TSPAN15: variants seen among roughly 807,000 people sequenced by gnomAD.
TSPAN15 encodes the protein tetraspanin 15.
A neutral mutation model predicts 34.5 loss-of-function variants in TSPAN15; 20 were observed. That is an observed-to-expected ratio of 0.58 (90% CI 0.41 to 0.84). The LOEUF (loss-of-function observed/expected upper bound fraction) is 0.84, where lower values mean the gene tolerates loss of function less well. Ranked by LOEUF, TSPAN15 falls within the 40% of genes least tolerant of loss-of-function variation. TSPAN15 has a pLI of 0.00. For missense variants in TSPAN15, 313 were observed against 386.1 expected (o/e 0.81, Z 1.59); for synonymous variants, 155 against 153.9 (o/e 1.01, Z -0.05).
Position 69,498,366 on chromosome 10 carries a change from G to GTCCT in TSPAN15, c.540_541insTCCT (p.Val181SerfsTer91), listed in dbSNP as rs1842132009. The GTCCT allele has an allele frequency of 1.2e-6, 2 of 1,613,826 alleles. No homozygotes were observed. The highest frequency in any genetic ancestry group is 1.7e-6 in the Non-Finnish European group (2 of 1,179,968). On this transcript the variant is annotated frameshift_variant, in exon 5 of 8. Transcript: ENST00000373290. LOFTEE classifies it high-confidence loss of function. ...GTGCCCCTGGACCCCTGGCCTGTGG[G>GTCCT]GTGCCCTACACCTGCTGCATCAGGA...
chr10:69,496,320 CAATAATAATAATAATAATAAT>C (rs3028371), intron 4 of TSPAN15, among the ~76,000 whole-genome samples: 61 of 132,500 alleles, frequency 4.6e-4, no homozygotes, highest in African/African-American at 1.2e-3. Context: ...TCTGTTGGTG[CAATAATAATAATAATAATAAT>C]AATAATAATA....
intron 1 of TSPAN15, among the ~76,000 whole-genome samples, chr10:69,464,812 A>G (rs1016269120): frequency 6.6e-6 from 1 of 152,178 alleles, no homozygotes; most frequent in African/African-American, 2.4e-5. Context: ...AACTCTGCCA[A>G]TGGGACAATC....
chr10:69,495,881 C>T (rs146331498), intron 4 of TSPAN15, among the ~76,000 whole-genome samples, 192 bp downstream of exon 4: 3 of 152,272 alleles, frequency 2.0e-5, no homozygotes, highest in Admixed American at 6.5e-5. Flanking sequence ...CCAACCTATT[C>T]AGCCAGTCCT....
chr10:69,466,855 G>A (rs1589627895), intron 1 of TSPAN15, among the ~76,000 whole-genome samples: 2 of 152,158 alleles, frequency 1.3e-5, no homozygotes, highest in African/African-American at 4.8e-5. Context: ...GGTCTCCTTC[G>A]CGTGACCATT....
intron 1 of TSPAN15, among the ~76,000 whole-genome samples, chr10:69,458,823 A>G (rs1437169212): frequency 1.3e-5 from 2 of 152,172 alleles, no homozygotes; most frequent in East Asian, 1.9e-4. Context: ...GACTTTGTAC[A>G]TGGTCTCGTT....
intron 2 of TSPAN15, 138 bp from the exon 3 acceptor site, chr10:69,485,003 C>A: frequency 1.3e-6 from 1 of 782,558 alleles, no homozygotes; most frequent in Non-Finnish European, 2.2e-6. Flanking sequence ...GAGGAGGGGG[C>A]AGAGGCCTAG....
chr10:69,509,017 T>G (rs1054452192), downstream of TSPAN15, among the ~76,000 whole-genome samples: 2 of 152,236 alleles, frequency 1.3e-5, no homozygotes, highest in Non-Finnish European at 2.9e-5. Context: ...AAGCTCTGTG[T>G]CTGGCTGGAG....
In TSPAN15 at chr10:69,483,756, C is replaced by G; in HGVS notation, c.162C>G (p.Thr54=). ...AGGTTGAGCGGCAGAAATATAAAACCCTTGAAAGTGCCTTCCTGGCTCCAG... is the reference window on the plus strand; with the variant it reads ...AGGTTGAGCGGCAGAAATATAAAACGCTTGAAAGTGCCTTCCTGGCTCCAG... ...YAEVERQKYK[T]LESAFLAPAI... is the part of the protein sequence containing the mutation. The change falls in exon 2 of 8, where the codon ACC becomes ACG. Residue 54 remains threonine (T), a synonymous_variant. Transcript: ENST00000373290. The G allele has an allele frequency of 6.2e-7, 1 of 1,614,192 alleles. No homozygotes were observed. Among genetic ancestry groups the G allele is most frequent in the Non-Finnish European group, 8.5e-7 (1 of 1,180,040 alleles).
At chr10:69,459,845 C>G (rs982212294) in intron 1 of TSPAN15, among the ~76,000 whole-genome samples, 1 of 151,676 alleles carries the variant, frequency 6.6e-6, no homozygotes, top group Non-Finnish European at 1.5e-5. Context: ...GGGGAGGATC[C>G]TGTGAGATGA....
Position 69,507,624 on chromosome 10 carries a change from A to G in TSPAN15, c.*646A>G. On this transcript the variant is annotated 3_prime_UTR_variant, in exon 8 of 8. Transcript: ENST00000373290. ...TCTTATTCTTGCCCTTCCCCCAACC[A>G]GTTTGTTAATCAAACAATAAAAACA... 7.9e-7 allele frequency: 1 copy of G among 1,262,220 alleles called. No homozygotes were observed. Among genetic ancestry groups the G allele is most frequent in the South Asian group, 1.3e-5 (1 of 76,088 alleles). The allele number at this position is 1,262,220 out of a possible 1,614,324, so 78.2% of individuals were successfully genotyped here. A position where few individuals can be genotyped will look rare whatever the true frequency, so the allele number is the denominator to read the frequency against.
At chr10:69,476,407 C>G (rs1305404769) in intron 1 of TSPAN15, among the ~76,000 whole-genome samples, 1 of 151,874 alleles carries the variant, frequency 6.6e-6, no homozygotes, top group East Asian at 1.9e-4. Context: ...AAGTAACAAA[C>G]AAAGTTGGGC....
Position 69,455,524 on chromosome 10 carries a change from CTTTCTT to C in TSPAN15, c.96+3836_96+3841del, listed in dbSNP as rs1486040188. 4.9e-3 allele frequency among the ~76,000 whole-genome samples: 719 copies of C among 147,328 alleles called. 18 individuals are homozygous for C. Among genetic ancestry groups the C allele is most frequent in the African/African-American group, 7.2e-3 (285 of 39,418 alleles). Reference sequence around the variant, plus strand: ...TTGTTCCCAGTCTTTCTTTCCCTCTCTTTCTTTCTCTTTCTTTCTTTCTTCTCTCTC... The same window carrying C: ...TTGTTCCCAGTCTTTCTTTCCCTCTCTCTCTTTCTTTCTTTCTTCTCTCTC... On this transcript the variant is annotated intron_variant, in intron 1 of 7. Transcript: ENST00000373290.
chr10:69,498,821 G>A (rs1435520954), intron 5 of TSPAN15, among the ~76,000 whole-genome samples: 1 of 152,200 alleles, frequency 6.6e-6, no homozygotes, highest in East Asian at 1.9e-4. Flanking sequence ...GCTGTTGCCT[G>A]AGCTACACTC....
At chr10:69,494,987 C>A in intron 3 of TSPAN15, 1 of 504,646 alleles carries the variant, frequency 2.0e-6, no homozygotes, top group Non-Finnish European at 2.6e-6. Flanking sequence ...CCAGCCCTAG[C>A]CGAGGGGGAC....
intron 3 of TSPAN15, among the ~76,000 whole-genome samples, chr10:69,492,549 C>A (rs1477695192): frequency 6.6e-6 from 1 of 152,216 alleles, no homozygotes; most frequent in Non-Finnish European, 1.5e-5. Flanking sequence ...GCAGGGCCCC[C>A]CTTCCCCCAA....
At chr10:69,497,661 T>G (rs1293723996) in intron 4 of TSPAN15, among the ~76,000 whole-genome samples, 1 of 152,168 alleles carries the variant, frequency 6.6e-6, no homozygotes. Context: ...GCCTTGCTTT[T>G]GCTCACCCTG....
At chr10:69,549,086 T>A in the TSPAN15 span, among the ~76,000 whole-genome samples, 1 of 151,976 alleles carries the variant, frequency 6.6e-6, no homozygotes, top group Non-Finnish European at 1.5e-5. Flanking sequence ...TGATGTAAAT[T>A]TGCATTACCC....
intron 1 of TSPAN15, among the ~76,000 whole-genome samples, chr10:69,478,493 C>T (rs10998825): frequency 0.017 from 2,598 of 152,170 alleles, 79 homozygotes; most frequent in African/African-American, 0.06. Context: ...GCAGGGGGCT[C>T]ATCCTGATGT....
the TSPAN15 span, among the ~76,000 whole-genome samples, chr10:69,540,487 G>T: frequency 6.6e-6 from 1 of 152,156 alleles, no homozygotes; most frequent in Non-Finnish European, 1.5e-5. Context: ...AATGTGAGGG[G>T]ATTTCAATCA....
Sources: allele counts gnomAD v4.1 joint callset (sites outside exome capture counted in the v4.1 genomes callset), GRCh38; gene constraint gnomAD v4.1.1; transcripts MANE v1.5; gene names NCBI Gene and HGNC (gene_info 2026-07-23, HGNC 2026-07-21).